CPSF4L: variants seen among roughly 807,000 people sequenced by gnomAD.
CPSF4L encodes putative cleavage and polyadenylation specificity factor subunit 4-like protein.
In CPSF4L, 18 loss-of-function variants were observed where a neutral mutation model predicts 24.0. The observed-to-expected ratio is 0.75, with a 90% confidence interval of 0.52 to 1.11. CPSF4L has a LOEUF of 1.11. Ranked by LOEUF, CPSF4L falls within the 50% of genes least tolerant of loss-of-function variation. The pLI is 0.00. For missense variants in CPSF4L, 211 were observed against 221.8 expected (o/e 0.95, Z 0.31); for synonymous variants, 72 against 77.2 (o/e 0.93, Z 0.35).
At chr17:73,247,373 A>G (rs201964990), downstream of CPSF4L, 16 of 1,606,616 alleles carry the variant, frequency 1.0e-5, no homozygotes, top group Non-Finnish European at 7.7e-6. Context: ...AGCCTTCGTG[A>G]CTTCTCTCTA....
intron 4 of CPSF4L, among the ~76,000 whole-genome samples, chr17:73,253,212 T>C (rs2062012113): frequency 6.6e-6 from 1 of 152,000 alleles, no homozygotes. Flanking sequence ...ATACAAAAAT[T>C]AGCTGGGCAT....
chr17:73,248,280 C>A, downstream of CPSF4L: 1 of 546,128 alleles, frequency 1.8e-6, no homozygotes, highest in South Asian at 2.3e-5. Context: ...AGACTGCTAC[C>A]CACAGAAGCC....
intron 4 of CPSF4L, 132 bp downstream of exon 4, chr17:73,253,799 G>C (rs1163419633): frequency 5.1e-6 from 3 of 593,560 alleles, no homozygotes; most frequent in Middle Eastern, 4.5e-4. Context: ...AGCTGGAGGA[G>C]AACTACAGAA....
intron 5 of CPSF4L, chr17:73,248,832 A>G (rs1215235618): frequency 5.9e-6 from 2 of 338,202 alleles, no homozygotes; most frequent in Non-Finnish European, 1.1e-5. Flanking sequence ...TCTAATGCAC[A>G]TTAAAATTTA....
In CPSF4L at chr17:73,261,782, A is replaced by C; in HGVS notation, c.37T>G (p.Phe13Val). The change falls in exon 1 of 6, where the codon TTT becomes GTT. Residue 13 changes from phenylalanine (F) to valine (V), a missense_variant. Coordinates refer to ENST00000344935, the MANE Select transcript of CPSF4L (RefSeq NM_001129885.1). ...ATCTCGACATCCTTCTCGAAGGCAA[A>C]GGTGAACCGCTCTAGCCCCGCAATG... ...EVIAGLERFT[F>V]AFEKDVEMQK... 2 of 1,551,802 alleles carry C rather than the reference A, an allele frequency of 1.3e-6. No individual in the cohort carries two copies. Among genetic ancestry groups the C allele is most frequent in the Non-Finnish European group, 1.7e-6 (2 of 1,146,992 alleles).
chr17:73,251,086 G>A (rs1243520929), intron 5 of CPSF4L: 12 of 1,545,986 alleles, frequency 7.8e-6, no homozygotes, highest in East Asian at 4.9e-5. Context: ...GCTGAATCCC[G>A]GGGCCGGCTG....
At chr17:73,243,881 T>G (rs1201861066), downstream of CPSF4L, among the ~76,000 whole-genome samples, 1 of 152,150 alleles carries the variant, frequency 6.6e-6, no homozygotes, top group Non-Finnish European at 1.5e-5. Context: ...ACCTAAGAAC[T>G]GTTACCCTGC....
rs2062015151 is a variant in CPSF4L, at chr17:73,253,998, G to A, written c.336C>T (p.Phe112=). 3 of 1,551,470 alleles carry A rather than the reference G, an allele frequency of 1.9e-6. No individual in the cohort carries two copies. The highest frequency in any genetic ancestry group is 1.4e-5 in the African/African-American group (1 of 73,032). ...FGDCSNKECS[F]LHVKPAFKSQ... is the part of the protein sequence containing the mutation. ...ACTTGAAAGCTGGCTTCACATGGAG[G>A]AAGGAACACTCCTTGTTGCTGCAGT... Residue 112 remains phenylalanine (F), a synonymous_variant, in exon 4 of 6, where the codon TTC becomes TTT. Transcript: ENST00000344935.
chr17:73,263,671 C>T (rs1342340360), upstream of CPSF4L, among the ~76,000 whole-genome samples: 2 of 143,908 alleles, frequency 1.4e-5, no homozygotes, highest in Non-Finnish European at 3.0e-5. Flanking sequence ...CTGCTGGGGC[C>T]AGCTTTGGGG....
At chr17:73,250,382 G>A (rs1305208016) in intron 5 of CPSF4L, 2 of 1,516,004 alleles carry the variant, frequency 1.3e-6, no homozygotes, top group African/African-American at 1.4e-5. Flanking sequence ...ATAGGAGATG[G>A]TTAGCTACCT....
chr17:73,243,672 G>A (rs1599395956), downstream of CPSF4L, among the ~76,000 whole-genome samples: 1 of 151,954 alleles, frequency 6.6e-6, no homozygotes, highest in African/African-American at 2.4e-5. Flanking sequence ...GGGACTACAG[G>A]TGTGTGTCAC....
chr17:73,257,542 T>C, intron 3 of CPSF4L, 139 bp downstream of exon 3: 1 of 831,676 alleles, frequency 1.2e-6, no homozygotes, highest in Non-Finnish European at 1.9e-6. Flanking sequence ...AACAGACACC[T>C]GAGACTCAGA....
chr17:73,253,066 A>C (rs374799906), intron 4 of CPSF4L, among the ~76,000 whole-genome samples: 58 of 152,306 alleles, frequency 3.8e-4, no homozygotes, highest in African/African-American at 1.3e-3. Context: ...TACAGCTGAG[A>C]AAAAGCTGAC....
At chr17:73,260,874 T>G in intron 2 of CPSF4L, 59 bp downstream of exon 2, 1 of 1,422,156 alleles carries the variant, frequency 7.0e-7, no homozygotes, top group Middle Eastern at 1.8e-4. Context: ...CTGCTGGGTG[T>G]AGCTCAGACA....
chr17:73,252,837 G>T (rs192640053), intron 4 of CPSF4L, 114 bp from the exon 5 acceptor site: 30 of 638,664 alleles, frequency 4.7e-5, no homozygotes, highest in Non-Finnish European at 7.7e-5. Context: ...CACTTAATAG[G>T]GGTGGATAAA....
At chr17:73,250,822 A>G in intron 5 of CPSF4L, 1 of 562,120 alleles carries the variant, frequency 1.8e-6, no homozygotes. Context: ...AGGAGATGCC[A>G]ACAGGATGGT....
At chr17:73,262,116 C>T (rs888403840), upstream of CPSF4L, 11 of 409,400 alleles carry the variant, frequency 2.7e-5, no homozygotes, top group South Asian at 4.0e-4. Context: ...AACTGCTTAT[C>T]TTTGCATGTT....
the CPSF4L span, chr17:73,243,176 TAC>T: frequency 1.5e-6 from 1 of 662,456 alleles, no homozygotes; most frequent in South Asian, 1.5e-5. Flanking sequence ...TTTTTTGAGA[TAC>T]AGTTTTGCTC....
intron 3 of CPSF4L, among the ~76,000 whole-genome samples, chr17:73,256,209 G>A (rs1177315060): frequency 6.6e-6 from 1 of 152,172 alleles, no homozygotes; most frequent in Non-Finnish European, 1.5e-5. Context: ...TAACTAAGTA[G>A]GTGGCATTTT....
Sources: gnomAD v4.1 joint callset for allele counts (sites outside exome capture counted in the v4.1 genomes callset) on GRCh38, gnomAD v4.1.1 for gene constraint, MANE v1.5 for transcripts, NCBI Gene and HGNC (gene_info 2026-07-23, HGNC 2026-07-21) for gene names.